HPSE2: variants seen among roughly 807,000 people sequenced by gnomAD.
HPSE2 encodes the protein inactive heparanase-2.
A neutral mutation model predicts 60.5 loss-of-function variants in HPSE2; 38 were observed. That is an observed-to-expected ratio of 0.63 (90% confidence interval 0.48 to 0.82). The LOEUF is 0.82. Among genes scored for constraint, HPSE2 ranks in the 40% least tolerant of loss-of-function variants. The probability of loss-of-function intolerance (pLI) is 0.00; values close to 1 mark genes in which losing one functional copy is unlikely to be tolerated. For missense variants in HPSE2, 713 were observed against 740.4 expected, an observed-to-expected ratio of 0.96 and a Z score of 0.43; for synonymous variants, 295 against 293.2, an observed-to-expected ratio of 1.01 and a Z score of -0.06.
intron 3 of HPSE2, among the ~76,000 whole-genome samples, chr10:98,906,425 T>C (rs1953818119): frequency 1.3e-5 from 2 of 152,156 alleles, no homozygotes; most frequent in Admixed American, 6.5e-5. Context: ...TTGCTTGGTA[T>C]GGTGATCAAC....
chr10:99,313,172 G>C, the HPSE2 span, among the ~76,000 whole-genome samples: 9 of 152,280 alleles, frequency 5.9e-5, no homozygotes, highest in African/African-American at 1.9e-4. Context: ...CTGAGGTATT[G>C]CTTTCTAGCA....
chr10:98,707,542 A>G (rs936827700), intron 5 of HPSE2, among the ~76,000 whole-genome samples: 4 of 152,194 alleles, frequency 2.6e-5, no homozygotes, highest in Non-Finnish European at 5.9e-5. Flanking sequence ...AAAAAATGAG[A>G]AAACTATTAT....
At chr10:99,050,231 G>A (rs2135497226) in intron 3 of HPSE2, among the ~76,000 whole-genome samples, 1 of 152,092 alleles carries the variant, frequency 6.6e-6, no homozygotes. Flanking sequence ...GAGCCCAGGA[G>A]TCTGAGGCTG....
intron 9 of HPSE2, among the ~76,000 whole-genome samples, chr10:98,547,549 G>A (rs1393269825): frequency 2.1e-5 from 3 of 141,560 alleles, no homozygotes; most frequent in South Asian, 2.4e-4. Flanking sequence ...GTAAACTATC[G>A]CAAGGACAAA....
intron 9 of HPSE2, among the ~76,000 whole-genome samples, chr10:98,578,495 A>G (rs1165912377): frequency 6.6e-6 from 1 of 152,222 alleles, no homozygotes; most frequent in African/African-American, 2.4e-5. Flanking sequence ...AAATGGCACA[A>G]TTTCATCAAG....
In HPSE2 at chr10:98,693,943, T is replaced by G. The variant is rs1254320485; in HGVS notation, c.961A>C (p.Met321Leu). 6.2e-7 allele frequency: 1 copy of G among 1,611,970 alleles called. No homozygotes were observed. Among genetic ancestry groups the G allele is most frequent in the Non-Finnish European group, 8.5e-7 (1 of 1,178,100 alleles). ...TCTACTGTACTTCCTGCCACCTTCA[T>G]GAATCTGTAAGGAATAGAAAGAAAA... ...KNVIALLDGF[M>L]KVAGSTVDAV... The change falls in exon 6 of 12, where the codon ATG becomes CTG. Residue 321 changes from methionine (M) to leucine (L), a missense_variant. Physicochemically the swap from Met to Leu is conservative, Grantham distance 15. Coordinates refer to ENST00000370552, the MANE Select transcript of HPSE2 (RefSeq NM_021828.5).
intron 9 of HPSE2, among the ~76,000 whole-genome samples, chr10:98,608,581 G>GT (rs1945659576): frequency 6.6e-6 from 1 of 152,214 alleles, no homozygotes; most frequent in Non-Finnish European, 1.5e-5. Flanking sequence ...AGCAAGTCAT[G>GT]TTCCCTGGGC....
intron 3 of HPSE2, among the ~76,000 whole-genome samples, chr10:99,041,443 G>A (rs1483758335): frequency 3.9e-5 from 6 of 152,080 alleles, no homozygotes; most frequent in African/African-American, 1.4e-4. Context: ...ATGGATCTTT[G>A]CAATCTTGGG....
At chr10:98,591,126 C>CAAAAAA (rs5787292) in intron 9 of HPSE2, among the ~76,000 whole-genome samples, 188 of 151,000 alleles carry the variant, frequency 1.2e-3, no homozygotes, top group African/African-American at 4.4e-3. Context: ...AAATAGGGAT[C>CAAAAAA]AAAAAAAAAG....
intron 3 of HPSE2, chr10:99,013,434 C>A (rs1957063492): frequency 2.0e-6 from 1 of 512,614 alleles, no homozygotes; most frequent in South Asian, 1.8e-5. Context: ...TCTTGGCCAC[C>A]AATATCCTCC....
At chr10:99,010,187 G>A (rs1486427498) in intron 3 of HPSE2, among the ~76,000 whole-genome samples, 1 of 152,178 alleles carries the variant, frequency 6.6e-6, no homozygotes, top group Non-Finnish European at 1.5e-5. Flanking sequence ...AGCAATCATT[G>A]TTTTGGAAAG....
intron 7 of HPSE2, among the ~76,000 whole-genome samples, chr10:98,639,481 CTTT>C (rs1946582708): frequency 6.6e-6 from 1 of 152,174 alleles, no homozygotes. Flanking sequence ...CTGCCAGTTG[CTTT>C]CTGCATATAG....
At chr10:98,917,268 C>T (rs1477388816) in intron 3 of HPSE2, among the ~76,000 whole-genome samples, 2 of 152,096 alleles carry the variant, frequency 1.3e-5, no homozygotes, top group Non-Finnish European at 2.9e-5. Context: ...CAAATAAGAA[C>T]TAAGCTACAA....
At position 98,610,121 on chromosome 10, in the gene HPSE2, G is replaced by A. The variant is rs553049344; in HGVS notation, c.1320+4783C>T. 7.2e-5 allele frequency among the ~76,000 whole-genome samples: 11 copies of A among 152,220 alleles called. No individual in the cohort carries two copies. In the South Asian group the frequency reaches 1.2e-3, roughly 17 times the overall value. On this transcript the variant is annotated intron_variant, in intron 9 of 11. Coordinates refer to ENST00000370552, the MANE Select transcript of HPSE2 (RefSeq NM_021828.5). ...CTCCTAAAGTGCTGGGATTACAGGC[G>A]TGAGCCATTGTGCCTGGCCTCAGGT...
chr10:98,991,918 T>C (rs1031264751), intron 3 of HPSE2, among the ~76,000 whole-genome samples: 1 of 152,166 alleles, frequency 6.6e-6, no homozygotes, highest in Admixed American at 6.5e-5. Flanking sequence ...CTCCACTGTC[T>C]CCAAAACCCT....
intron 6 of HPSE2, among the ~76,000 whole-genome samples, chr10:98,691,430 T>C (rs952842525): frequency 1.3e-5 from 2 of 152,238 alleles, no homozygotes; most frequent in African/African-American, 4.8e-5. Context: ...AAAATAATAC[T>C]GTGCTCATTT....
chr10:99,267,641 C>T, the HPSE2 span, among the ~76,000 whole-genome samples: 77,943 of 151,500 alleles, frequency 0.51, 23,183 homozygotes, highest in East Asian at 0.66. Context: ...AATTAGCCAG[C>T]GTGGTGGTGG....
At chr10:99,132,196 AGAGAGAGAGAGAGAGAGAGAGAGAGAGAG>A (rs1845441825) in intron 3 of HPSE2, among the ~76,000 whole-genome samples, 23 of 43,512 alleles carry the variant, frequency 5.3e-4, no homozygotes, top group East Asian at 3.7e-3. Context: ...AAAGAAAGAG[AGAGAGAGAGAGAGAGAGAGAGAGAGAGAG>A]AGAGAGAGAG....
At chr10:99,259,298 C>CG in the HPSE2 span, among the ~76,000 whole-genome samples, 1 of 85,368 alleles carries the variant, frequency 1.2e-5, no homozygotes, top group South Asian at 5.4e-4. Context: ...AAGAGCAAAA[C>CG]CCCCCCCACC....
Sources: gnomAD v4.1 joint callset for allele counts (sites outside exome capture counted in the v4.1 genomes callset) on GRCh38, gnomAD v4.1.1 for gene constraint, MANE v1.5 for transcripts, NCBI Gene and HGNC (gene_info 2026-07-23, HGNC 2026-07-21) for gene names.